The following EYA2 variants were observed in gnomAD, a reference collection of about 807,000 sequenced individuals.
EYA2 encodes protein phosphatase EYA2.
A neutral mutation model predicts 69.2 loss-of-function variants in EYA2; 31 were observed. That is an observed-to-expected ratio of 0.45 (90% CI 0.34 to 0.60). The LOEUF (loss-of-function observed/expected upper bound fraction) is 0.60, where lower values mean the gene tolerates loss of function less well. EYA2 is among the 20% of genes least tolerant of loss of function. The probability of loss-of-function intolerance (pLI) is 0.02; values close to 1 mark genes in which losing one functional copy is unlikely to be tolerated. For synonymous variants in EYA2, 257 were observed against 279.4 expected, an observed-to-expected ratio of 0.92 and a Z score of 0.80; for missense variants, 622 against 701.2, an observed-to-expected ratio of 0.89 and a Z score of 1.28.
intron 5 of EYA2, among the ~76,000 whole-genome samples, chr20:47,019,970 T>TAAA (rs1477414814): frequency 3.4e-4 from 6 of 17,500 alleles, no homozygotes; most frequent in Non-Finnish European, 2.3e-4. Context: ...GACCCTATCT[T>TAAA]TAAAAAAAAA....
intron 7 of EYA2, among the ~76,000 whole-genome samples, chr20:47,085,260 C>G (rs1056275296): frequency 1.3e-5 from 2 of 152,108 alleles, no homozygotes; most frequent in African/African-American, 4.8e-5. Context: ...CTTATTAGAA[C>G]TGAAAACTAG....
intron 1 of EYA2, among the ~76,000 whole-genome samples, chr20:46,982,735 T>A (rs897676150): frequency 6.6e-6 from 1 of 152,074 alleles, no homozygotes; most frequent in African/African-American, 2.4e-5. Context: ...TCTATTGAGT[T>A]CTTAATTTTA....
chr20:47,142,259 C>T (rs2033612096), intron 9 of EYA2, among the ~76,000 whole-genome samples: 1 of 152,232 alleles, frequency 6.6e-6, no homozygotes, highest in Non-Finnish European at 1.5e-5. Flanking sequence ...TACATGTCCT[C>T]CTTTTGCAGG....
chr20:47,019,120 A>G (rs570008513), intron 5 of EYA2, among the ~76,000 whole-genome samples: 1 of 152,158 alleles, frequency 6.6e-6, no homozygotes, highest in East Asian at 1.9e-4. Context: ...CCCTCACGCC[A>G]TCCTGCCCTT....
chr20:46,974,145 C>A (rs892752315), intron 1 of EYA2, among the ~76,000 whole-genome samples: 43 of 152,244 alleles, frequency 2.8e-4, no homozygotes, highest in African/African-American at 9.4e-4. Context: ...ATTAAGGGGA[C>A]TCAAATATGA....
chr20:47,083,640 CAAAA>C (rs558076829), intron 7 of EYA2, among the ~76,000 whole-genome samples: 1 of 149,184 alleles, frequency 6.7e-6, no homozygotes, highest in Non-Finnish European at 1.5e-5. Context: ...ACATGACACA[CAAAA>C]AAAATGCAAA....
intron 12 of EYA2, among the ~76,000 whole-genome samples, chr20:47,177,061 G>A (rs2034441910): frequency 6.6e-6 from 1 of 152,102 alleles, no homozygotes; most frequent in African/African-American, 2.4e-5. Flanking sequence ...GCCTCCAAAA[G>A]TGCTGGGATT....
rs146137855 is a variant in EYA2, at chr20:47,090,916, G to T, written c.804+1535G>T. ...GTAAGCTACTGTTGTCTTATCAAGG[G>T]AGGAAAATGAGCAAACTCACCGGTT... On this transcript the variant is annotated intron_variant, in intron 8 of 15. Coordinates refer to ENST00000327619, the MANE Select transcript of EYA2 (RefSeq NM_005244.5). Among the ~76,000 whole-genome samples the T allele has an allele frequency of 2.1e-3, 313 of 152,198 alleles. 1 individual carries two copies. The highest frequency in any genetic ancestry group is 7.4e-3 in the African/African-American group (306 of 41,514).
In EYA2 at chr20:47,038,117, G is replaced by T. The variant is rs1159992457; in HGVS notation, c.415+21820G>T. Among the ~76,000 whole-genome samples the T allele has an allele frequency of 2.6e-5, 4 of 151,958 alleles. No individual in the cohort carries two copies. The East Asian group carries it at 7.7e-4, about 29-fold the overall frequency. On this transcript the variant is annotated intron_variant, in intron 5 of 15. Coordinates refer to ENST00000327619, the MANE Select transcript of EYA2 (RefSeq NM_005244.5). The stretch of plus-strand genomic sequence containing the variant: ...AGTAAAATTCATAGTGTTTCTGATG[G>T]TGATGGATTCATGTAGAAAAAATAA...
intron 1 of EYA2, among the ~76,000 whole-genome samples, chr20:46,905,738 G>A (rs1267057234): frequency 1.3e-5 from 2 of 152,088 alleles, no homozygotes; most frequent in East Asian, 1.9e-4. Flanking sequence ...GTGTGTCTTC[G>A]GGCAGATCAC....
chr20:46,999,887 G>A (rs780325081), intron 2 of EYA2, among the ~76,000 whole-genome samples: 3 of 152,162 alleles, frequency 2.0e-5, no homozygotes, highest in African/African-American at 4.8e-5. Flanking sequence ...TGCTCAGAGC[G>A]CTGTTGTGAG....
chr20:47,041,687 G>T (rs1393995737), intron 5 of EYA2, among the ~76,000 whole-genome samples: 2 of 152,150 alleles, frequency 1.3e-5, no homozygotes, highest in African/African-American at 4.8e-5. Context: ...GGTGTGCAGG[G>T]ATCAATTAGT....
chr20:46,926,951 T>C (rs6018183), intron 1 of EYA2, among the ~76,000 whole-genome samples: 3,852 of 152,220 alleles, frequency 0.025, 188 homozygotes, highest in African/African-American at 0.088. Flanking sequence ...TGCCATGGGG[T>C]ACCTGAGACT....
At position 47,007,322 on chromosome 20, in the gene EYA2, G is replaced by A. The variant is rs151048528; in HGVS notation, c.298+2238G>A. ...GTTTTAGGTTCTAGGGATGGGAAAGGCCTTTTAAATAAGGAGCGAAATTCA... is the reference window on the plus strand; with the variant it reads ...GTTTTAGGTTCTAGGGATGGGAAAGACCTTTTAAATAAGGAGCGAAATTCA... On this transcript the variant is annotated intron_variant, in intron 4 of 15. Coordinates refer to ENST00000327619, the MANE Select transcript of EYA2 (RefSeq NM_005244.5). Among the ~76,000 whole-genome samples the A allele has an allele frequency of 1.4e-4, 22 of 152,354 alleles. No individual in the cohort carries two copies. In the East Asian group the frequency reaches 4.0e-3, roughly 28 times the overall value.
rs761438426 is a variant in EYA2, at chr20:47,074,274, C to T, written c.600C>T (p.Ser200=). 3.1e-6 allele frequency: 5 copies of T among 1,614,154 alleles called. No homozygotes were observed. The Admixed American group carries it at 6.7e-5, about 22-fold the overall frequency. The change falls in exon 7 of 16, where the codon TCC becomes TCT. Residue 200 remains serine (S), a synonymous_variant. Transcript: ENST00000327619. ...TCTGCCCTTCGCCCCTCTCCACGTC[C>T]ACCTACGTCCTCCAGGAGGCATCTC... The part of the protein sequence containing the change: ...SSICPSPLST[S]TYVLQEASHN...
At chr20:47,181,286 G>C (rs915546257) in intron 14 of EYA2, among the ~76,000 whole-genome samples, 8 of 152,158 alleles carry the variant, frequency 5.3e-5, no homozygotes, top group African/African-American at 1.9e-4. Context: ...GGGTGACCCT[G>C]TCCTCAGAGA....
chr20:47,180,507 G>A (rs973540670), intron 13 of EYA2, among the ~76,000 whole-genome samples: 2 of 152,122 alleles, frequency 1.3e-5, no homozygotes, highest in Non-Finnish European at 2.9e-5. Flanking sequence ...TCTCCCTCTT[G>A]TCCTACACTT....
At chr20:47,013,983 A>G (rs1983246481) in intron 4 of EYA2, among the ~76,000 whole-genome samples, 1 of 152,238 alleles carries the variant, frequency 6.6e-6, no homozygotes, top group Non-Finnish European at 1.5e-5. Context: ...GCTAGACCCC[A>G]GTCCAATGGA....
intron 12 of EYA2, 58 bp from the exon 13 acceptor site, chr20:47,179,740 C>T: frequency 7.8e-7 from 1 of 1,281,194 alleles, no homozygotes; most frequent in Non-Finnish European, 1.1e-6. Context: ...TGTTCCCTAC[C>T]TTCATCCCCC....
Sources: allele counts gnomAD v4.1 joint callset (sites outside exome capture counted in the v4.1 genomes callset), GRCh38; gene constraint gnomAD v4.1.1; transcripts MANE v1.5; gene names NCBI Gene and HGNC (gene_info 2026-07-23, HGNC 2026-07-21).